Variants in ESR1 observed in about 807,000 individuals in gnomAD.
The protein encoded by ESR1 is estrogen receptor.
ESR1 carries 12 observed loss-of-function variants against 52.7 expected under a neutral mutation model. The ratio of observed to expected loss-of-function variants is 0.23; its 90% CI spans 0.15 to 0.37. The LOEUF is 0.37. Among genes scored for constraint, ESR1 ranks in the 10% least tolerant of loss-of-function variants. The pLI is 1.00. For synonymous variants in ESR1, 305 were observed against 316.8 expected, an observed-to-expected ratio of 0.96 and a Z score of 0.39; for missense variants, 584 against 779.7, an observed-to-expected ratio of 0.75 and a Z score of 2.99.
At chr6:151,921,790 T>C (rs1181470837) in intron 3 of ESR1, among the ~76,000 whole-genome samples, 1 of 152,176 alleles carries the variant, frequency 6.6e-6, no homozygotes, top group Non-Finnish European at 1.5e-5. Context: ...GGGTTGTTTG[T>C]CTTTTCTTGC....
intron 6 of ESR1, among the ~76,000 whole-genome samples, chr6:152,091,711 C>T (rs1017294661): frequency 2.0e-5 from 3 of 152,018 alleles, no homozygotes; most frequent in Non-Finnish European, 4.4e-5. Flanking sequence ...CTCTTGGGGT[C>T]GCTGAGGTCC....
chr6:152,018,829 G>C (rs1414821681), intron 5 of ESR1, among the ~76,000 whole-genome samples: 1 of 121,392 alleles, frequency 8.2e-6, no homozygotes, highest in African/African-American at 4.1e-5. Context: ...ATGGAATTGA[G>C]TAAAAAAAGA....
chr6:151,796,390 T>C lies in ESR1; in HGVS notation c.-70-11453T>C, dbSNP rs1250269535. On this transcript the variant is annotated intron_variant, in intron 2 of 2. Coordinates refer to the ESR1 transcript ENST00000404742. Reference sequence around the variant, plus strand: ...TATCTCTGGAAGGAAATTTAAAAACTGGCGACCTCAGCTGTCTCCAGAGAG... The same window carrying C: ...TATCTCTGGAAGGAAATTTAAAAACCGGCGACCTCAGCTGTCTCCAGAGAG... Among the ~76,000 whole-genome samples the C allele has an allele frequency of 9.2e-5, 14 of 152,258 alleles. No individual in the cohort carries two copies. The South Asian group carries it at 2.9e-3, about 32-fold the overall frequency.
At position 151,845,535 on chromosome 6, in the gene ESR1, G is replaced by A. The variant is rs145172996; in HGVS notation, c.643+2748G>A. Reference sequence around the variant, plus strand: ...AGTGAGCTGAGATCATGCCACTGCCGTCCAGCCTGGTGACAGAGTGAGACT... The same window carrying A: ...AGTGAGCTGAGATCATGCCACTGCCATCCAGCCTGGTGACAGAGTGAGACT... On this transcript the variant is annotated intron_variant, in intron 2 of 7. Transcript: ENST00000206249. 7.1e-3 allele frequency among the ~76,000 whole-genome samples: 1,075 copies of A among 152,198 alleles called. 11 individuals carry two copies. Among genetic ancestry groups the A allele is most frequent in the African/African-American group, 0.025 (1,019 of 41,550 alleles).
At chr6:151,824,189 T>C (rs12171566) in intron 1 of ESR1, among the ~76,000 whole-genome samples, 33,969 of 151,746 alleles carry the variant, frequency 0.22, 4,689 homozygotes, top group African/African-American at 0.4. Context: ...TGATATCTCA[T>C]TGTGGTTTTG....
intron 4 of ESR1, among the ~76,000 whole-genome samples, chr6:151,959,001 T>A (rs1172572653): frequency 6.6e-6 from 1 of 152,118 alleles, no homozygotes; most frequent in Non-Finnish European, 1.5e-5. Flanking sequence ...TGTGCGTGTG[T>A]GTGTTTACGG....
chr6:151,810,912 A>G (rs1778730850), intron 1 of ESR1: 1 of 152,208 alleles, frequency 6.6e-6, no homozygotes, highest in African/African-American at 2.4e-5. Context: ...TCAAAAGGCT[A>G]TTTTGATTGT....
chr6:151,717,187 C>G (rs1376832625), intron 2 of ESR1, among the ~76,000 whole-genome samples: 8 of 152,184 alleles, frequency 5.3e-5, no homozygotes, highest in Admixed American at 5.2e-4. Flanking sequence ...TGGGCTGCAC[C>G]CACTGTCTAA....
chr6:151,927,613 C>T (rs954938830), intron 3 of ESR1, among the ~76,000 whole-genome samples: 5 of 152,088 alleles, frequency 3.3e-5, no homozygotes, highest in Admixed American at 2.0e-4. Context: ...TTATCAAATT[C>T]GTGAGCATAG....
intron 2 of ESR1, among the ~76,000 whole-genome samples, chr6:151,845,296 C>T (rs937866181): frequency 3.3e-5 from 5 of 152,142 alleles, no homozygotes; most frequent in African/African-American, 4.8e-5. Context: ...TCTCAGCTGG[C>T]GTGGTGGCTC....
intron 1 of ESR1, among the ~76,000 whole-genome samples, chr6:151,685,377 C>T (rs1303089027): frequency 1.3e-5 from 2 of 151,946 alleles, no homozygotes; most frequent in Non-Finnish European, 2.9e-5. Flanking sequence ...TCATGATCCA[C>T]CCGCCTCGGC....
At chr6:151,733,786 A>AT (rs909387734) in intron 2 of ESR1, among the ~76,000 whole-genome samples, 2 of 151,832 alleles carry the variant, frequency 1.3e-5, no homozygotes, top group Admixed American at 6.6e-5. Flanking sequence ...CAGTATTAGG[A>AT]TTTTTTTTCT....
rs535216276 is a variant in ESR1, at chr6:151,882,818, G to A, written c.760+2047G>A. On this transcript the variant is annotated intron_variant, in intron 3 of 7. Transcript: ENST00000206249. ...GTCTGGCTGCATGAATATAAATTAC[G>A]CATTCTCATTTTTAATCTAACAAAA... Among the ~76,000 whole-genome samples the A allele has an allele frequency of 5.3e-5, 8 of 151,368 alleles. No individual in the cohort carries two copies. The East Asian group carries it at 9.7e-4, about 18-fold the overall frequency.
intron 2 of ESR1, among the ~76,000 whole-genome samples, chr6:151,712,013 T>G (rs1162106444): frequency 6.6e-6 from 1 of 152,176 alleles, no homozygotes. Context: ...CTTGAGTTAA[T>G]TTTTGTATAA....
intron 2 of ESR1, among the ~76,000 whole-genome samples, chr6:151,750,279 A>G (rs1783803954): frequency 6.6e-6 from 1 of 152,218 alleles, no homozygotes; most frequent in African/African-American, 2.4e-5. Context: ...AACGTTTTCC[A>G]GAAAGCAAAA....
intron 1 of ESR1, among the ~76,000 whole-genome samples, chr6:151,679,427 G>A (rs998582568): frequency 6.6e-6 from 1 of 152,108 alleles, no homozygotes; most frequent in Non-Finnish European, 1.5e-5. Flanking sequence ...TCGGCTCACC[G>A]CAACCTCCGT....
intron 4 of ESR1, among the ~76,000 whole-genome samples, chr6:152,004,853 A>T (rs1471260132): frequency 6.6e-6 from 1 of 152,072 alleles, no homozygotes; most frequent in Non-Finnish European, 1.5e-5. Flanking sequence ...AGAAATGGTC[A>T]TCTTAATATG....
chr6:151,682,397 T>C lies in ESR1; in HGVS notation n.74-19478T>C, dbSNP rs921512245. Among the ~76,000 whole-genome samples, 3 of 152,316 alleles carry C rather than the reference T, an allele frequency of 2.0e-5. No individual in the cohort carries two copies. The South Asian group carries it at 6.2e-4, about 32-fold the overall frequency. On this transcript the variant is annotated intron_variant and non_coding_transcript_variant, in intron 1 of 2. Transcript: ENST00000473497. ...CTCCCTGGAGGGAGTTTCATGTGTT[T>C]CTTATTCTGAGCTGCCGGGAGCTGG...
chr6:152,105,562 A>C (rs543920780), downstream of ESR1, among the ~76,000 whole-genome samples: 45 of 151,216 alleles, frequency 3.0e-4, no homozygotes, highest in Non-Finnish European at 5.9e-4. Flanking sequence ...AGTAGCTGGG[A>C]TTACAGGCGA....
Sources: allele counts gnomAD v4.1 joint callset (sites outside exome capture counted in the v4.1 genomes callset), GRCh38; gene constraint gnomAD v4.1.1; transcripts MANE v1.5; gene names NCBI Gene and HGNC (gene_info 2026-07-23, HGNC 2026-07-21).